Variants in VPS13B observed in about 807,000 individuals in gnomAD.
The protein encoded by VPS13B is vacuolar protein sorting 13 homolog B, also known as intermembrane lipid transfer protein VPS13B.
In VPS13B, 285 loss-of-function variants were observed where a neutral mutation model predicts 426.4. The ratio of observed to expected loss-of-function variants is 0.67; its 90% confidence interval spans 0.61 to 0.74. The LOEUF (loss-of-function observed/expected upper bound fraction) is 0.74, where lower values mean the gene tolerates loss of function less well. Among genes scored for constraint, VPS13B ranks in the 30% least tolerant of loss-of-function variants. VPS13B has a pLI of 0.00. For synonymous variants in VPS13B, 1,676 were observed against 1,676.4 expected, an observed-to-expected ratio of 1.00 and a Z score of 0.01; for missense variants, 4,537 against 4,782.6, an observed-to-expected ratio of 0.95 and a Z score of 1.51.
intron 21 of VPS13B, among the ~76,000 whole-genome samples, chr8:99,416,834 G>C (rs1394731534): frequency 6.6e-6 from 1 of 152,154 alleles, no homozygotes; most frequent in African/African-American, 2.4e-5. Flanking sequence ...GATCTCGCTG[G>C]GAGCTGCAGA....
chr8:99,339,095 A>G (rs1811089285), intron 19 of VPS13B, among the ~76,000 whole-genome samples: 1 of 152,202 alleles, frequency 6.6e-6, no homozygotes. Context: ...ATGTATGCAC[A>G]TATATATGTA....
chr8:99,570,573 TG>T (rs930435535), intron 31 of VPS13B, among the ~76,000 whole-genome samples: 6 of 152,052 alleles, frequency 3.9e-5, no homozygotes, highest in East Asian at 3.8e-4. Flanking sequence ...TTTTTTCTTA[TG>T]TTTTTTTAAT....
chr8:99,326,689 A>G (rs2133143727), intron 19 of VPS13B, among the ~76,000 whole-genome samples: 1 of 151,808 alleles, frequency 6.6e-6, no homozygotes, highest in South Asian at 2.1e-4. Context: ...ATGAACCACC[A>G]TGCCCAGCCA....
chr8:99,803,205 C>T (rs1170700012), intron 43 of VPS13B, among the ~76,000 whole-genome samples: 1 of 152,034 alleles, frequency 6.6e-6, no homozygotes, highest in Admixed American at 6.6e-5. Context: ...ATAAGGATTA[C>T]CTTTCAGCCA....
At chr8:99,548,134 G>A (rs1338542795) in intron 30 of VPS13B, among the ~76,000 whole-genome samples, 2 of 152,036 alleles carry the variant, frequency 1.3e-5, no homozygotes, top group Admixed American at 6.6e-5. Flanking sequence ...CCTATGATTA[G>A]CTGCTTAGTA....
At position 99,385,951 on chromosome 8, in the gene VPS13B, T is replaced by A. The variant is rs192827902; in HGVS notation, c.2934+1634T>A. Among the ~76,000 whole-genome samples the A allele has an allele frequency of 5.9e-5, 9 of 152,172 alleles. No individual in the cohort carries two copies. The East Asian group carries it at 1.7e-3, about 29-fold the overall frequency. Reference sequence around the variant, plus strand: ...TTGGAAACCAATTTCTGAAAAAAAATTTTGAATTTGTAGTCCTAGGTATTT... The same window carrying A: ...TTGGAAACCAATTTCTGAAAAAAAAATTTGAATTTGTAGTCCTAGGTATTT... On this transcript the variant is annotated intron_variant, in intron 20 of 61. Transcript: ENST00000357162.
intron 19 of VPS13B, among the ~76,000 whole-genome samples, chr8:99,304,891 C>T (rs775710278): frequency 6.6e-6 from 1 of 152,008 alleles, no homozygotes; most frequent in Non-Finnish European, 1.5e-5. Context: ...CCAATGTTTT[C>T]TGTATAAAGT....
At chr8:99,449,909 A>G (rs1008400419) in intron 23 of VPS13B, among the ~76,000 whole-genome samples, 5 of 152,058 alleles carry the variant, frequency 3.3e-5, no homozygotes, top group Admixed American at 1.3e-4. Context: ...GGTTCAAGCA[A>G]TTCTCCTGCC....
At position 99,027,341 on chromosome 8, in the gene VPS13B, C is replaced by T. The variant is rs1483376622; in HGVS notation, c.148-11082C>T. Among the ~76,000 whole-genome samples, 5 of 150,376 alleles carry T rather than the reference C, an allele frequency of 3.3e-5. No individual in the cohort carries two copies. In the East Asian group the frequency reaches 9.8e-4, roughly 29 times the overall value. On this transcript the variant is annotated intron_variant, in intron 2 of 61. Transcript: ENST00000357162. ...GCCTTTTTTTTTTTAAATATATATC[C>T]ATTCTTCCTTCCTTACTTTCCTATT... is the stretch of plus-strand genomic sequence containing the variant.
chr8:99,655,178 G>A (rs1001702856), intron 34 of VPS13B, among the ~76,000 whole-genome samples: 2 of 152,122 alleles, frequency 1.3e-5, no homozygotes, highest in Non-Finnish European at 2.9e-5. Context: ...GTCTATTTTG[G>A]CTTGCAGATT....
intron 33 of VPS13B, among the ~76,000 whole-genome samples, chr8:99,580,277 A>T (rs1389232846): frequency 6.7e-6 from 1 of 149,932 alleles, no homozygotes; most frequent in Non-Finnish European, 1.5e-5. Flanking sequence ...GTTCTATAAG[A>T]AGAAATTATG....
chr8:99,741,208 A>G (rs1354874724), intron 39 of VPS13B, among the ~76,000 whole-genome samples: 1 of 152,212 alleles, frequency 6.6e-6, no homozygotes, highest in East Asian at 1.9e-4. Flanking sequence ...AAACCAACAA[A>G]GATCAAAGGA....
intron 35 of VPS13B, among the ~76,000 whole-genome samples, chr8:99,692,854 A>G (rs1294809587): frequency 3.4e-5 from 5 of 146,910 alleles, no homozygotes; most frequent in Non-Finnish European, 6.0e-5. Flanking sequence ...AAAAAATGAT[A>G]AAGGGGATAT....
intron 19 of VPS13B, among the ~76,000 whole-genome samples, chr8:99,302,538 T>A (rs1432136005): frequency 6.6e-6 from 1 of 152,080 alleles, no homozygotes; most frequent in Non-Finnish European, 1.5e-5. Flanking sequence ...AAGACAGAGT[T>A]TCACTCTGTC....
rs183939495 is a variant in VPS13B at position 99,105,443 on chromosome 8, A to G, written c.580+2323A>G. Among the ~76,000 whole-genome samples, 61 of 152,306 alleles carry G rather than the reference A, an allele frequency of 4.0e-4. 1 individual carries two copies. Among genetic ancestry groups the G allele is most frequent in the South Asian group, 1.5e-3 (7 of 4,816 alleles). ...ACCCAGGCTGAAGTGCAGTGACGCA[A>G]TCTTGGCTCACTGCAACTTCTGCCT... is the stretch of plus-strand genomic sequence containing the variant. On this transcript the variant is annotated intron_variant, in intron 5 of 61. Coordinates refer to ENST00000357162, the MANE Select transcript of VPS13B (RefSeq NM_152564.5).
intron 30 of VPS13B, among the ~76,000 whole-genome samples, chr8:99,543,620 A>C (rs1159576128): frequency 6.6e-6 from 1 of 151,568 alleles, no homozygotes; most frequent in East Asian, 1.9e-4. Context: ...TTACAAGAAA[A>C]AAACAAACAA....
chr8:99,167,461 C>T (rs1206029898), intron 15 of VPS13B, among the ~76,000 whole-genome samples: 1 of 151,844 alleles, frequency 6.6e-6, no homozygotes, highest in Non-Finnish European at 1.5e-5. Context: ...ATGGCAGTAA[C>T]AAAAATTATT....
intron 5 of VPS13B, among the ~76,000 whole-genome samples, chr8:99,103,693 G>T (rs1296684937): frequency 2.0e-5 from 3 of 151,960 alleles, no homozygotes; most frequent in East Asian, 1.9e-4. Context: ...TAGAGATGGG[G>T]TTTCACCATG....
chr8:99,499,162 G>A (rs1226498566), intron 25 of VPS13B, among the ~76,000 whole-genome samples: 6 of 152,146 alleles, frequency 3.9e-5, no homozygotes, highest in African/African-American at 1.4e-4. Context: ...GCCTAAGGAT[G>A]TATGGGAAAA....
Sources: gnomAD v4.1 joint callset for allele counts (sites outside exome capture counted in the v4.1 genomes callset) on GRCh38, gnomAD v4.1.1 for gene constraint, MANE v1.5 for transcripts, NCBI Gene and HGNC (gene_info 2026-07-23, HGNC 2026-07-21) for gene names.